Variants in NRXN3 observed in about 807,000 individuals in gnomAD.
NRXN3 encodes the protein neurexin III.
NRXN3 carries 32 observed loss-of-function variants against 137.6 expected under a neutral mutation model. The observed-to-expected ratio is 0.23, with a 90% CI of 0.18 to 0.31. The LOEUF is 0.31. Ranked by LOEUF, NRXN3 falls within the 10% of genes least tolerant of loss-of-function variation. NRXN3 has a pLI of 1.00. For synonymous variants in NRXN3, 798 were observed against 784.5 expected, an observed-to-expected ratio of 1.02 and a Z score of -0.29; for missense variants, 1,574 against 2,062.5, an observed-to-expected ratio of 0.76 and a Z score of 4.59.
chr14:79,782,269 A>T (rs901574094), intron 19 of NRXN3, among the ~76,000 whole-genome samples: 1 of 152,216 alleles, frequency 6.6e-6, no homozygotes, highest in African/African-American at 2.4e-5. Flanking sequence ...ATTCTGGTTC[A>T]TTAACCAGAA....
chr14:78,706,757 G>T (rs565415805), intron 6 of NRXN3, among the ~76,000 whole-genome samples: 5 of 152,284 alleles, frequency 3.3e-5, no homozygotes, highest in Non-Finnish European at 7.4e-5. Flanking sequence ...TATTGACTAT[G>T]GTTAGGTCCA....
intron 4 of NRXN3, among the ~76,000 whole-genome samples, chr14:78,344,157 C>G (rs1372022661): frequency 6.6e-6 from 1 of 152,228 alleles, no homozygotes; most frequent in Non-Finnish European, 1.5e-5. Context: ...AAGCCCACCT[C>G]TCTACTTCTG....
intron 14 of NRXN3, among the ~76,000 whole-genome samples, chr14:78,980,013 C>T (rs971091501): frequency 6.6e-6 from 1 of 152,188 alleles, no homozygotes; most frequent in South Asian, 2.1e-4. Flanking sequence ...TCTTATAATG[C>T]TCCTTCCCAT....
At chr14:78,479,778 T>TTG (rs894006295) in intron 4 of NRXN3, among the ~76,000 whole-genome samples, 13 of 152,236 alleles carry the variant, frequency 8.5e-5, no homozygotes, top group African/African-American at 2.9e-4. Flanking sequence ...ATGCTATATT[T>TTG]TGTGTGTGTG....
chr14:79,197,742 G>T (rs1005603763), intron 15 of NRXN3, among the ~76,000 whole-genome samples: 2 of 152,012 alleles, frequency 1.3e-5, no homozygotes, highest in Non-Finnish European at 2.9e-5. Flanking sequence ...GCGGAAGGTT[G>T]GGGTGGCAAA....
intron 16 of NRXN3, among the ~76,000 whole-genome samples, chr14:79,583,089 A>C (rs2097732360): frequency 6.6e-6 from 1 of 152,266 alleles, no homozygotes; most frequent in South Asian, 2.1e-4. Context: ...ACACAAAAAC[A>C]GTCTAAAGTG....
chr14:78,966,508 C>T, intron 12 of NRXN3, 102 bp downstream of exon 12: 1 of 1,233,534 alleles, frequency 8.1e-7, no homozygotes, highest in South Asian at 1.5e-5. Context: ...ACTCCCTACC[C>T]TCCATTCCTG....
chr14:79,782,333 A>T (rs561413277), intron 19 of NRXN3, among the ~76,000 whole-genome samples: 1 of 152,312 alleles, frequency 6.6e-6, no homozygotes, highest in Non-Finnish European at 1.5e-5. Context: ...ATGCAAACCA[A>T]GAGAGGTCAA....
intron 15 of NRXN3, among the ~76,000 whole-genome samples, chr14:79,259,640 T>G (rs1299017425): frequency 2.7e-5 from 4 of 148,132 alleles, no homozygotes; most frequent in African/African-American, 7.4e-5. Flanking sequence ...GCTATATATA[T>G]AGTTATCTAT....
At chr14:78,836,171 A>C (rs571949037) in intron 10 of NRXN3, among the ~76,000 whole-genome samples, 1 of 152,334 alleles carries the variant, frequency 6.6e-6, no homozygotes, top group African/African-American at 2.4e-5. Context: ...AAGATGTTTA[A>C]ATTTTCCAGA....
At chr14:79,812,212 A>C (rs2140871658) in intron 20 of NRXN3, among the ~76,000 whole-genome samples, 1 of 152,296 alleles carries the variant, frequency 6.6e-6, no homozygotes, top group East Asian at 1.9e-4. Flanking sequence ...CCATAAAATC[A>C]ATGTATGAGT....
At chr14:79,242,718 G>A (rs2074501997) in intron 15 of NRXN3, among the ~76,000 whole-genome samples, 1 of 152,138 alleles carries the variant, frequency 6.6e-6, no homozygotes, top group African/African-American at 2.4e-5. Context: ...GACAACCTGA[G>A]GGCTAAAGTC....
At chr14:78,409,308 T>C (rs77801151) in intron 4 of NRXN3, among the ~76,000 whole-genome samples, 1 of 50,936 alleles carries the variant, frequency 2.0e-5, no homozygotes, top group African/African-American at 6.2e-5. Context: ...ATAAGACTCT[T>C]AACCCTGTTT....
At chr14:79,114,387 G>A (rs1309659262) in intron 15 of NRXN3, among the ~76,000 whole-genome samples, 2 of 152,078 alleles carry the variant, frequency 1.3e-5, no homozygotes, top group African/African-American at 2.4e-5. Context: ...ATGAGACAGG[G>A]TCTCACTCTG....
chr14:79,625,163 A>G (rs1311238731), intron 16 of NRXN3, among the ~76,000 whole-genome samples: 1 of 152,152 alleles, frequency 6.6e-6, no homozygotes, highest in Non-Finnish European at 1.5e-5. Context: ...GGGTCCAATC[A>G]TGTTGTTGCA....
chr14:78,745,222 C>G (rs1051865311), intron 8 of NRXN3: 1 of 152,184 alleles, frequency 6.6e-6, no homozygotes, highest in Non-Finnish European at 1.5e-5. Context: ...CAACATGCAG[C>G]TTTCCTCAGC....
chr14:79,193,251 A>G (rs1597108367), intron 15 of NRXN3, among the ~76,000 whole-genome samples: 1 of 152,206 alleles, frequency 6.6e-6, no homozygotes, highest in Non-Finnish European at 1.5e-5. Flanking sequence ...AATTAAAGAG[A>G]ACACTAAAGG....
intron 8 of NRXN3, among the ~76,000 whole-genome samples, chr14:78,780,981 A>G (rs1475900795): frequency 6.6e-6 from 1 of 152,334 alleles, no homozygotes; most frequent in East Asian, 1.9e-4. Context: ...ACATTGAGCT[A>G]GTTATTAGAA....
At chr14:79,766,451 T>C (rs1343289380) in intron 19 of NRXN3, among the ~76,000 whole-genome samples, 1 of 152,220 alleles carries the variant, frequency 6.6e-6, no homozygotes, top group African/African-American at 2.4e-5. Context: ...TGAGCTGAAT[T>C]TCCATGATCA....
Sources: allele counts gnomAD v4.1 joint callset (sites outside exome capture counted in the v4.1 genomes callset), GRCh38; gene constraint gnomAD v4.1.1; transcripts MANE v1.5; gene names NCBI Gene and HGNC (gene_info 2026-07-23, HGNC 2026-07-21).